The following XXYLT1 variants were observed in gnomAD, a reference collection of about 807,000 sequenced individuals.
XXYLT1 encodes UDP-xylose:alpha-xyloside alpha-1,3-xylosyltransferase.
Under a neutral mutation model 28.9 loss-of-function variants are expected in XXYLT1, and 20 were observed. The ratio of observed to expected loss-of-function variants is 0.69; its 90% confidence interval spans 0.49 to 1.00. The LOEUF (loss-of-function observed/expected upper bound fraction) is 1.00, where lower values mean the gene tolerates loss of function less well. XXYLT1 is among the 50% of genes least tolerant of loss of function. The pLI is 0.00. For synonymous variants in XXYLT1, 257 were observed against 253.8 expected (o/e 1.01, Z -0.12); for missense variants, 542 against 560.1 (o/e 0.97, Z 0.33).
intron 3 of XXYLT1, among the ~76,000 whole-genome samples, chr3:195,097,002 A>T (rs545458646): frequency 9.2e-5 from 14 of 152,380 alleles, no homozygotes; most frequent in Admixed American, 9.1e-4. Context: ...AGCGCTGGGC[A>T]AAGGCAGGCT....
intron 3 of XXYLT1, among the ~76,000 whole-genome samples, chr3:195,123,304 C>T (rs1718459036): frequency 6.6e-6 from 1 of 152,068 alleles, no homozygotes; most frequent in Non-Finnish European, 1.5e-5. Flanking sequence ...CTGCCTAAAC[C>T]CCGCCATCAG....
intron 1 of XXYLT1, among the ~76,000 whole-genome samples, chr3:195,234,160 G>A (rs1442029899): frequency 6.6e-6 from 1 of 150,750 alleles, no homozygotes; most frequent in African/African-American, 2.4e-5. Context: ...CTTGTGATCC[G>A]CCTGCCTCGG....
rs1723238504 is a variant in XXYLT1 at position 195,209,939 on chromosome 3, G to A, written c.652+16770C>T. The A allele has an allele frequency of 6.6e-6, 1 of 152,580 alleles. No homozygotes were observed. The allele number at this position is 152,580 out of a possible 1,614,324, so 9.5% of individuals were successfully genotyped here. On this transcript the variant is annotated intron_variant, in intron 2 of 3. Transcript: ENST00000310380. This position sits in a 1 kb window ranked among gnomAD's most constrained non-coding sequence, Gnocchi z 5.0. Reference sequence around the variant, plus strand: ...ACAGAAATGAGTCTTCTCCAGCCAGGGACAGTGCACAAAGTTCGGGACAAA... The same window carrying A: ...ACAGAAATGAGTCTTCTCCAGCCAGAGACAGTGCACAAAGTTCGGGACAAA...
chr3:195,124,374 G>A lies in XXYLT1; in HGVS notation c.785+32075C>T, dbSNP rs1371869821. On this transcript the variant is annotated intron_variant, in intron 3 of 3. Coordinates refer to ENST00000310380, the MANE Select transcript of XXYLT1 (RefSeq NM_152531.5). This position sits in a 1 kb window ranked among gnomAD's most constrained non-coding sequence, Gnocchi z 4.1. ...ACTGAGATGCTTCTGGGAGAACGAT[G>A]GGTATAAATCCAAGACCTAGGACTC... 6.6e-6 allele frequency among the ~76,000 whole-genome samples: 1 copy of A among 152,202 alleles called. No individual in the cohort carries two copies. Among genetic ancestry groups the A allele is most frequent in the Non-Finnish European group, 1.5e-5 (1 of 68,038 alleles).
At position 195,124,845 on chromosome 3, in the gene XXYLT1, G is replaced by A. The variant is rs901070197; in HGVS notation, c.785+31604C>T. On this transcript the variant is annotated intron_variant, in intron 3 of 3. Transcript: ENST00000310380. This position sits in a 1 kb window ranked among gnomAD's most constrained non-coding sequence, Gnocchi z 4.1. Reference sequence around the variant, plus strand: ...GCTGGCTCCGGGAAGGCTGGAGTCTGAGCCGGCACTGGCAGCGTTTTTCAC... The same window carrying A: ...GCTGGCTCCGGGAAGGCTGGAGTCTAAGCCGGCACTGGCAGCGTTTTTCAC... Among the ~76,000 whole-genome samples, 5 of 152,186 alleles carry A rather than the reference G, an allele frequency of 3.3e-5. No homozygotes were observed. Among genetic ancestry groups the A allele is most frequent in the Admixed American group, 2.0e-4 (3 of 15,276 alleles).
intron 1 of XXYLT1, among the ~76,000 whole-genome samples, chr3:195,269,875 G>A (rs1200773018): frequency 6.6e-6 from 1 of 152,194 alleles, no homozygotes; most frequent in Non-Finnish European, 1.5e-5. Flanking sequence ...AGAGATGGAA[G>A]CTGTCATGGA....
rs1715260282 is a variant in XXYLT1, at chr3:195,078,699, A to C, written c.786-8588T>G. Among the ~76,000 whole-genome samples, 1 of 152,028 alleles carries C rather than the reference A, an allele frequency of 6.6e-6. No homozygotes were observed. Among genetic ancestry groups the C allele is most frequent in the African/African-American group, 2.4e-5 (1 of 41,386 alleles). Reference sequence around the variant, plus strand: ...GTACCCCTCCACGAAGTAGAGATGCATCCTGCTGCCACTCTCCCCAGTCCC... The same window carrying C: ...GTACCCCTCCACGAAGTAGAGATGCCTCCTGCTGCCACTCTCCCCAGTCCC... On this transcript the variant is annotated intron_variant, in intron 3 of 3. Transcript: ENST00000310380. This position sits in a 1 kb window ranked among gnomAD's most constrained non-coding sequence, Gnocchi z 5.0.
In XXYLT1 at chr3:195,173,405, T is replaced by G. The variant is rs1235661708; in HGVS notation, c.653-16824A>C. On this transcript the variant is annotated intron_variant, in intron 2 of 3. Coordinates refer to ENST00000310380, the MANE Select transcript of XXYLT1 (RefSeq NM_152531.5). The surrounding 1 kb of genome is among the most constrained non-coding windows in gnomAD (Gnocchi z 4.3). ...CTCCTGGCCTCATTCTCCTTTGTGT[T>G]GTTACCTAGGAGGTGCTCGACACTA... is the stretch of plus-strand genomic sequence containing the variant. Among the ~76,000 whole-genome samples the G allele has an allele frequency of 6.6e-6, 1 of 152,192 alleles. No homozygotes were observed. Among genetic ancestry groups the G allele is most frequent in the East Asian group, 1.9e-4 (1 of 5,196 alleles).
intron 3 of XXYLT1, among the ~76,000 whole-genome samples, chr3:195,090,735 G>A (rs1447403336): frequency 6.8e-6 from 1 of 148,110 alleles, no homozygotes; most frequent in Non-Finnish European, 1.5e-5. Context: ...AATGAATCCA[G>A]GAGCTGGTTT....
intron 1 of XXYLT1, among the ~76,000 whole-genome samples, chr3:195,244,589 CCT>C (rs947151646): frequency 2.9e-4 from 43 of 150,146 alleles, no homozygotes; most frequent in African/African-American, 6.4e-4. Flanking sequence ...TGGAGAAACC[CCT>C]GTCTCTACTA....
intron 2 of XXYLT1, among the ~76,000 whole-genome samples, chr3:195,218,404 C>A (rs1384041445): frequency 1.3e-5 from 2 of 152,096 alleles, no homozygotes; most frequent in Admixed American, 6.6e-5. Context: ...AAAATTTTCG[C>A]AACCAACTCA....
At chr3:195,258,960 T>C (rs1367615181) in intron 1 of XXYLT1, among the ~76,000 whole-genome samples, 2 of 152,244 alleles carry the variant, frequency 1.3e-5, no homozygotes, top group Non-Finnish European at 2.9e-5. Flanking sequence ...GCATGGTGAA[T>C]AAACAGGTAT....
chr3:195,235,944 ACATAG>A, intron 1 of XXYLT1, among the ~76,000 whole-genome samples: 1 of 150,204 alleles, frequency 6.7e-6, no homozygotes, highest in Non-Finnish European at 1.5e-5. Flanking sequence ...ATAGACATAG[ACATAG>A]ACATAGAGAT....
chr3:195,102,858 T>A (rs1716868812), intron 3 of XXYLT1, among the ~76,000 whole-genome samples: 1 of 152,186 alleles, frequency 6.6e-6, no homozygotes, highest in Admixed American at 6.5e-5. Flanking sequence ...CATATAGTAG[T>A]TCTAGTTTTA....
intron 1 of XXYLT1, chr3:195,247,749 G>GA (rs1725088571): frequency 1.4e-6 from 1 of 700,620 alleles, no homozygotes; most frequent in South Asian, 1.5e-5. Context: ...GATTTATAAG[G>GA]AAAAGAGGTT....
rs138603600 is a variant in XXYLT1, at chr3:195,077,324, G to A, written c.786-7213C>T. Among the ~76,000 whole-genome samples the A allele has an allele frequency of 9.3e-4, 142 of 152,322 alleles. 1 individual carries two copies. Among genetic ancestry groups the A allele is most frequent in the African/African-American group, 3.1e-3 (129 of 41,582 alleles). ...GCAATCTCAACCCAGAGGCAGTGCC[G>A]CAATAACATGGATGGAATGGGGAAG... On this transcript the variant is annotated intron_variant, in intron 3 of 3. Transcript: ENST00000310380. The surrounding 1 kb of genome is among the most constrained non-coding windows in gnomAD (Gnocchi z 4.8).
chr3:195,080,459 G>C (rs921102697), intron 3 of XXYLT1, among the ~76,000 whole-genome samples: 1 of 151,924 alleles, frequency 6.6e-6, no homozygotes, highest in Non-Finnish European at 1.5e-5. Context: ...AAGCTGGTGA[G>C]GACCCACATG....
At chr3:195,267,782 G>A (rs1020681302) in intron 1 of XXYLT1, among the ~76,000 whole-genome samples, 1 of 152,192 alleles carries the variant, frequency 6.6e-6, no homozygotes, top group Non-Finnish European at 1.5e-5. Flanking sequence ...CACCAAAGCC[G>A]AGACCTGAAA....
intron 2 of XXYLT1, among the ~76,000 whole-genome samples, chr3:195,165,718 G>T (rs957094944): frequency 6.6e-6 from 1 of 152,094 alleles, no homozygotes; most frequent in South Asian, 2.1e-4. Flanking sequence ...AAAATGTCAC[G>T]TTATATTGGT....
Sources: gnomAD v4.1 joint callset for allele counts (sites outside exome capture counted in the v4.1 genomes callset) on GRCh38, gnomAD v4.1.1 for gene constraint, Gnocchi (gnomAD v3.1) non-coding constraint, MANE v1.5 for transcripts, NCBI Gene and HGNC (gene_info 2026-07-23, HGNC 2026-07-21) for gene names.